Variants in ZNF33B observed in about 807,000 individuals in gnomAD.
ZNF33B encodes zinc finger protein 11b (KOX 2).
Under a neutral mutation model 45.8 loss-of-function variants are expected in ZNF33B, and 29 were observed. The ratio of observed to expected loss-of-function variants is 0.63; its 90% CI spans 0.47 to 0.86. The LOEUF (loss-of-function observed/expected upper bound fraction) is 0.86. Ranked by LOEUF, ZNF33B falls within the 40% of genes least tolerant of loss-of-function variation. ZNF33B has a pLI of 0.00. For missense variants in ZNF33B, 831 were observed against 909.9 expected (o/e 0.91, Z 1.12); for synonymous variants, 305 against 307.8 (o/e 0.99, Z 0.10).
intron 4 of ZNF33B, chr10:42,605,214 A>C (rs1220772190): frequency 6.6e-6 from 1 of 151,208 alleles, no homozygotes; most frequent in Non-Finnish European, 1.5e-5. Flanking sequence ...AGATTAGCAC[A>C]GTAGCTACAC....
chr10:42,578,426 C>T (rs1411574902), intron 1 of ZNF33B: 1 of 152,610 alleles, frequency 6.6e-6, no homozygotes, highest in Non-Finnish European at 1.5e-5. Context: ...CATCCTGATC[C>T]CTGGCTCACT....
At chr10:42,578,042 G>A (rs989293238) in intron 1 of ZNF33B, among the ~76,000 whole-genome samples, 15 of 151,320 alleles carry the variant, frequency 9.9e-5, no homozygotes, top group African/African-American at 3.6e-4. Context: ...CGGTGGGCCT[G>A]CCCTGAGGGG....
At chr10:42,632,214 T>C in intron 3 of ZNF33B, 81 bp downstream of exon 3, 1 of 1,551,382 alleles carries the variant, frequency 6.4e-7, no homozygotes, top group Non-Finnish European at 8.7e-7. Context: ...AATAATGTCA[T>C]TAAACTAGAC....
intron 4 of ZNF33B, among the ~76,000 whole-genome samples, chr10:42,609,533 T>A (rs1838015729): frequency 6.6e-6 from 1 of 152,132 alleles, no homozygotes; most frequent in Non-Finnish European, 1.5e-5. Flanking sequence ...TATCAATTAC[T>A]CAAAAACTCC....
intron 4 of ZNF33B, among the ~76,000 whole-genome samples, chr10:42,608,872 C>A (rs781677355): frequency 1.7e-4 from 25 of 142,898 alleles, no homozygotes; most frequent in Non-Finnish European, 3.3e-4. Context: ...TCTAATTAGA[C>A]TGACAATGGA....
At chr10:42,606,737 A>G (rs1309708662) in intron 4 of ZNF33B, among the ~76,000 whole-genome samples, 7 of 151,722 alleles carry the variant, frequency 4.6e-5, no homozygotes. Context: ...CCACCATGGC[A>G]CACATATACC....
intron 4 of ZNF33B, among the ~76,000 whole-genome samples, chr10:42,628,003 G>A (rs1287456166): frequency 6.6e-6 from 1 of 152,022 alleles, no homozygotes; most frequent in Non-Finnish European, 1.5e-5. Flanking sequence ...GTATTTTGCT[G>A]TTGTTGGGCA....
intron 1 of ZNF33B, chr10:42,578,444 C>G (rs1262279014): frequency 1.3e-5 from 2 of 152,624 alleles, no homozygotes; most frequent in Non-Finnish European, 2.9e-5. Context: ...ACTCATGATG[C>G]AACTGTCCCC....
At chr10:42,583,126 G>C in intron 1 of ZNF33B, 2 of 781,278 alleles carry the variant, frequency 2.6e-6, no homozygotes, top group Non-Finnish European at 2.3e-6. Context: ...TCAGGGGCCT[G>C]GGAGGGAGTA....
intron 2 of ZNF33B, 109 bp downstream of exon 2, chr10:42,636,811 G>C: frequency 4.7e-6 from 7 of 1,494,736 alleles, no homozygotes; most frequent in Non-Finnish European, 6.5e-6. Flanking sequence ...CTGGGCGACA[G>C]AGCGAGACTC....
rs1421244733 is a variant in ZNF33B at position 42,605,028 on chromosome 10, G to A, written c.251-10329C>T. 5 of 151,572 alleles carry A rather than the reference G, an allele frequency of 3.3e-5. No homozygotes were observed. In the East Asian group the frequency reaches 9.6e-4, roughly 29 times the overall value. The allele number at this position is 151,572 out of a possible 1,614,324, so 9.4% of individuals were successfully genotyped here. On this transcript the variant is annotated intron_variant, in intron 4 of 4. Transcript: ENST00000359467. Reference sequence around the variant, plus strand: ...TAATCTGAAGAACAGAGAGAAATAAGAGTGAGGAAAAATGAAGAAACCCTC... The same window carrying A: ...TAATCTGAAGAACAGAGAGAAATAAAAGTGAGGAAAAATGAAGAAACCCTC...
downstream of ZNF33B, among the ~76,000 whole-genome samples, chr10:42,584,394 A>G (rs1274585464): frequency 6.6e-6 from 1 of 152,124 alleles, no homozygotes; most frequent in Non-Finnish European, 1.5e-5. Context: ...AATGGTGGCC[A>G]TGAGCAGCCC....
At chr10:42,578,187 G>A (rs746614773) in intron 1 of ZNF33B, among the ~76,000 whole-genome samples, 30 of 152,174 alleles carry the variant, frequency 2.0e-4, no homozygotes, top group Non-Finnish European at 4.0e-4. Flanking sequence ...ACAGGCCCAC[G>A]CCTCCCAGAA....
chr10:42,622,618 T>C (rs544486834), intron 4 of ZNF33B, among the ~76,000 whole-genome samples: 3 of 152,226 alleles, frequency 2.0e-5, no homozygotes, highest in East Asian at 3.9e-4. Flanking sequence ...AGGCCAAATA[T>C]TGTCACGCTA....
rs1589084918 is a variant in ZNF33B at position 42,638,558 on chromosome 10, G to A, written c.-129C>T. The A allele has an allele frequency of 2.9e-5, 14 of 477,016 alleles. No individual in the cohort carries two copies. Among genetic ancestry groups the A allele is most frequent in the South Asian group, 2.1e-4 (14 of 66,790 alleles). The allele number at this position is 477,016 out of a possible 1,614,324, so 29.5% of individuals were successfully genotyped here. A position where few individuals can be genotyped will look rare whatever the true frequency, so the allele number is the denominator to read the frequency against. ...GGACCGCCTCCCACGCAAAACGTGA[G>A]ACAAACAAAAGGAAAGGCGGAAACG... On this transcript the variant is annotated 5_prime_UTR_variant, in exon 1 of 5. Transcript: ENST00000359467.
At chr10:42,635,403 A>C (rs2132175024) in intron 2 of ZNF33B, among the ~76,000 whole-genome samples, 1 of 152,020 alleles carries the variant, frequency 6.6e-6, no homozygotes, top group South Asian at 2.1e-4. Flanking sequence ...CGGCAGCTGC[A>C]GGAGGGCTGG....
At chr10:42,608,942 C>T (rs1464456472) in intron 4 of ZNF33B, among the ~76,000 whole-genome samples, 10 of 149,160 alleles carry the variant, frequency 6.7e-5, no homozygotes, top group Admixed American at 6.7e-4. Flanking sequence ...ATTACTAGTA[C>T]TCTTACAGAA....
chr10:42,586,834 G>T (rs1836945711), downstream of ZNF33B, among the ~76,000 whole-genome samples: 1 of 152,180 alleles, frequency 6.6e-6, no homozygotes, highest in African/African-American at 2.4e-5. Flanking sequence ...CCATTTGTGT[G>T]AACCATGTAC....
chr10:42,593,070 T>A lies in ZNF33B; in HGVS notation c.1880A>T (p.His627Leu). The change falls in exon 5 of 5, where the codon CAT (histidine) becomes CTT (leucine). Residue 627 changes from histidine (H) to leucine (L), a missense_variant. Transcript: ENST00000359467. ...TTTCTCCCCTATGTGAATTCTCTGA[T>A]GCTGAGTGAGTTGTGACTTCTGGCA... ...TFCQKSQLTQ[H>L]QRIHIGEKPY... The A allele has an allele frequency of 6.2e-7, 1 of 1,614,126 alleles. No individual in the cohort carries two copies. Among genetic ancestry groups the A allele is most frequent in the Non-Finnish European group, 8.5e-7 (1 of 1,179,986 alleles).
Sources: allele counts gnomAD v4.1 joint callset (sites outside exome capture counted in the v4.1 genomes callset), GRCh38; gene constraint gnomAD v4.1.1; transcripts MANE v1.5; gene names NCBI Gene and HGNC (gene_info 2026-07-23, HGNC 2026-07-21).